The following PRSS12 variants were observed in gnomAD, a reference collection of about 807,000 sequenced individuals.
PRSS12 encodes the protein serine protease 12.
PRSS12 carries 85 observed loss-of-function variants against 104.4 expected under a neutral mutation model. The ratio of observed to expected loss-of-function variants is 0.81; its 90% CI spans 0.68 to 0.98. PRSS12 has a LOEUF of 0.98. Among genes scored for constraint, PRSS12 ranks in the 50% least tolerant of loss-of-function variants. The pLI is 0.00. For synonymous variants in PRSS12, 454 were observed against 425.2 expected, an observed-to-expected ratio of 1.07 and a Z score of -0.83; for missense variants, 1,141 against 1,139.2, an observed-to-expected ratio of 1.00 and a Z score of -0.02.
At chr4:118,339,578 T>C (rs760801397) in intron 1 of PRSS12, among the ~76,000 whole-genome samples, 20 of 152,180 alleles carry the variant, frequency 1.3e-4, no homozygotes, top group Non-Finnish European at 2.6e-4. Context: ...GAGGTGAGCA[T>C]TGTACAGTAC....
At chr4:118,300,427 C>T (rs958350136) in intron 8 of PRSS12, among the ~76,000 whole-genome samples, 8 of 151,874 alleles carry the variant, frequency 5.3e-5, no homozygotes, top group Non-Finnish European at 1.0e-4. Flanking sequence ...TATGCAAATA[C>T]AAAAATATTT....
At chr4:118,346,621 C>T (rs1415404494) in intron 1 of PRSS12, among the ~76,000 whole-genome samples, 3 of 152,012 alleles carry the variant, frequency 2.0e-5, no homozygotes, top group Non-Finnish European at 4.4e-5. Context: ...ACAGGGGGCC[C>T]CAACCCCCAG....
Position 118,298,756 on chromosome 4 carries a change from T to C in PRSS12, c.1814A>G (p.Lys605Arg). Reference sequence around the variant, plus strand: ...ACCTTTATTACTGTTACCTGAGGCCTTCTTGCCAAAATAATCACAAATAAC... The same window carrying C: ...ACCTTTATTACTGTTACCTGAGGCCCTCTTGCCAAAATAATCACAAATAAC... Reference protein sequence around the residue: ...AGVICDYFGKKASGNSNKESL... With the variant: ...AGVICDYFGKRASGNSNKESL... Residue 605 changes from lysine (K) to arginine (R), a missense_variant, in exon 9 of 13, where the codon AAG (lysine) becomes AGG (arginine). By Grantham distance (26) the Lys-to-Arg change is conservative. Transcript: ENST00000296498. The C allele has an allele frequency of 6.2e-7, 1 of 1,614,236 alleles. No individual in the cohort carries two copies. The highest frequency in any genetic ancestry group is 2.2e-5 in the East Asian group (1 of 44,884).
At position 118,281,001 on chromosome 4, in the gene PRSS12, TG is replaced by T. The variant is rs1578897786; in HGVS notation, c.*934del. The T allele has an allele frequency of 6.6e-6, 1 of 152,248 alleles. No individual in the cohort carries two copies. The highest frequency in any genetic ancestry group is 1.9e-4 in the East Asian group (1 of 5,196). 9.4% of individuals were successfully genotyped at this position (152,248 alleles called of 1,614,324 possible). On this transcript the variant is annotated 3_prime_UTR_variant, in exon 13 of 13. Transcript: ENST00000296498. Reference sequence around the variant, plus strand: ...CTGTATGTATTAGAACTTTTCAATGTGTAGGCCAGGAAAGCATTTTGACTAG... The same window carrying T: ...CTGTATGTATTAGAACTTTTCAATGTTAGGCCAGGAAAGCATTTTGACTAG...
chr4:118,320,955 T>G (rs1038750484), intron 4 of PRSS12, among the ~76,000 whole-genome samples: 2 of 152,042 alleles, frequency 1.3e-5, no homozygotes, highest in African/African-American at 4.8e-5. Context: ...AGCAAAATAT[T>G]TTCATGGAGT....
At chr4:118,343,748 C>A (rs1157994374) in intron 1 of PRSS12, among the ~76,000 whole-genome samples, 1 of 152,094 alleles carries the variant, frequency 6.6e-6, no homozygotes, top group Non-Finnish European at 1.5e-5. Flanking sequence ...AAAGAAAGAC[C>A]CTGTGGGGGG....
rs538212195 is a variant in PRSS12 at position 118,328,170 on chromosome 4, G to A, written c.971+3546C>T. On this transcript the variant is annotated intron_variant, in intron 4 of 12. Coordinates refer to ENST00000296498, the MANE Select transcript of PRSS12 (RefSeq NM_003619.4). Reference sequence around the variant, plus strand: ...AACAAATTATAGAGAAAGAAGAGTCGTAGAGTACTGCTTTATTGCAAACTT... The same window carrying A: ...AACAAATTATAGAGAAAGAAGAGTCATAGAGTACTGCTTTATTGCAAACTT... Among the ~76,000 whole-genome samples, 5 of 152,250 alleles carry A rather than the reference G, an allele frequency of 3.3e-5. No individual in the cohort carries two copies. In the East Asian group the frequency reaches 9.6e-4, roughly 29 times the overall value.
At chr4:118,295,175 G>C in intron 10 of PRSS12, 114 bp from the exon 11 acceptor site, 7 of 1,324,886 alleles carry the variant, frequency 5.3e-6, no homozygotes, top group South Asian at 1.3e-5. Flanking sequence ...GGGGGAAAAG[G>C]AAAGCAAAAG....
intron 2 of PRSS12, among the ~76,000 whole-genome samples, chr4:118,336,747 CCTTT>C (rs1421596887): frequency 6.6e-6 from 1 of 152,168 alleles, no homozygotes; most frequent in African/African-American, 2.4e-5. Flanking sequence ...AAATTTTATT[CCTTT>C]CTGATTTTCC....
intron 5 of PRSS12, among the ~76,000 whole-genome samples, chr4:118,317,751 AT>A (rs1723854642): frequency 6.6e-6 from 1 of 152,120 alleles, no homozygotes; most frequent in South Asian, 2.1e-4. Context: ...TAAACAAAAC[AT>A]TTTTTTCTTC....
At chr4:118,340,866 T>C (rs1327131978) in intron 1 of PRSS12, among the ~76,000 whole-genome samples, 1 of 152,258 alleles carries the variant, frequency 6.6e-6, no homozygotes, top group East Asian at 1.9e-4. Flanking sequence ...GGGTAGGATC[T>C]AATCTCAATA....
At chr4:118,325,255 G>A (rs1723742199) in intron 4 of PRSS12, among the ~76,000 whole-genome samples, 1 of 150,820 alleles carries the variant, frequency 6.6e-6, no homozygotes, top group Non-Finnish European at 1.5e-5. Flanking sequence ...AGAGACGTAG[G>A]TTGAAAAACT....
intron 1 of PRSS12, among the ~76,000 whole-genome samples, chr4:118,341,607 G>A (rs530095691): frequency 2.0e-5 from 3 of 148,896 alleles, no homozygotes; most frequent in South Asian, 4.3e-4. Flanking sequence ...ACTTGAACCC[G>A]GGAGGCTGAG....
intron 8 of PRSS12, among the ~76,000 whole-genome samples, chr4:118,307,838 G>C (rs956362682): frequency 2.6e-5 from 4 of 151,810 alleles, no homozygotes; most frequent in Admixed American, 2.6e-4. Context: ...CAGCACTTCG[G>C]TACTATAAAT....
intron 8 of PRSS12, chr4:118,303,909 A>G (rs372087726): frequency 8.5e-5 from 13 of 152,224 alleles, no homozygotes; most frequent in East Asian, 5.8e-4. Flanking sequence ...AATTCAAAAT[A>G]TATGATAGCA....
intron 1 of PRSS12, 91 bp downstream of exon 1, chr4:118,352,128 T>A (rs1239679093): frequency 1.3e-6 from 2 of 1,549,662 alleles, no homozygotes; most frequent in South Asian, 1.2e-5. Flanking sequence ...ACACACCCCG[T>A]CACTTTTTCC....
rs1282897193 is a variant in PRSS12 at position 118,282,322 on chromosome 4, T to G, written c.2321-79A>C. ...TAACAGTTACTGAGCATGTAATAGT[T>G]ATGAAAATAAAATCCCTGTTGTGGC... On this transcript the variant is annotated intron_variant, in intron 12 of 12. Transcript: ENST00000296498. 5.8e-6 allele frequency: 9 copies of G among 1,560,540 alleles called. No individual in the cohort carries two copies. In the African/African-American group the frequency reaches 1.2e-4, roughly 21 times the overall value.
At chr4:118,347,388 A>G (rs2126046154) in intron 1 of PRSS12, among the ~76,000 whole-genome samples, 1 of 152,308 alleles carries the variant, frequency 6.6e-6, no homozygotes, top group South Asian at 2.1e-4. Flanking sequence ...CTCTATCTCT[A>G]TTTCAATCAA....
At chr4:118,337,199 T>C (rs1329459298) in intron 2 of PRSS12, among the ~76,000 whole-genome samples, 2 of 152,200 alleles carry the variant, frequency 1.3e-5, no homozygotes, top group African/African-American at 4.8e-5. Context: ...GTCATCATAT[T>C]ACCACTCTGA....
Sources: allele counts gnomAD v4.1 joint callset (sites outside exome capture counted in the v4.1 genomes callset), GRCh38; gene constraint gnomAD v4.1.1; transcripts MANE v1.5; gene names NCBI Gene and HGNC (gene_info 2026-07-23, HGNC 2026-07-21).